Variants in SLC35D4 observed in about 807,000 individuals in gnomAD.
SLC35D4 encodes the protein UDP-N-acetylglucosamine transporter SLC35D4.
the SLC35D4 span, among the ~76,000 whole-genome samples, chr18:23,398,865 A>G: frequency 6.6e-6 from 1 of 152,252 alleles, no homozygotes; most frequent in Non-Finnish European, 1.5e-5. Context: ...TCTAATAGAT[A>G]AAAACAGTTA....
chr18:23,326,138 G>A, the SLC35D4 span, among the ~76,000 whole-genome samples: 9 of 152,212 alleles, frequency 5.9e-5, no homozygotes, highest in Non-Finnish European at 1.3e-4. Flanking sequence ...GACTGAGCAT[G>A]TGCTCAGGAC....
chr18:23,319,735 T>A, the SLC35D4 span, among the ~76,000 whole-genome samples: 1 of 152,154 alleles, frequency 6.6e-6, no homozygotes, highest in Non-Finnish European at 1.5e-5. Flanking sequence ...CACCGCGCCC[T>A]GCCTATTTCA....
the SLC35D4 span, among the ~76,000 whole-genome samples, chr18:23,305,965 G>C: frequency 6.6e-6 from 1 of 152,166 alleles, no homozygotes; most frequent in African/African-American, 2.4e-5. Flanking sequence ...CAAGATGCAC[G>C]GTTACCTTTT....
At chr18:23,284,903 T>C in the SLC35D4 span, among the ~76,000 whole-genome samples, 1 of 152,130 alleles carries the variant, frequency 6.6e-6, no homozygotes, top group African/African-American at 2.4e-5. Context: ...GCTGTGAGAG[T>C]TAAGAGGCAG....
chr18:23,336,128 T>C, the SLC35D4 span, among the ~76,000 whole-genome samples: 1 of 152,126 alleles, frequency 6.6e-6, no homozygotes, highest in Non-Finnish European at 1.5e-5. Context: ...TAGCACTCAT[T>C]TCTCTATGAA....
the SLC35D4 span, among the ~76,000 whole-genome samples, chr18:23,345,368 G>C: frequency 6.6e-6 from 1 of 151,674 alleles, no homozygotes; most frequent in Admixed American, 6.6e-5. Context: ...TGTAATCCCA[G>C]CTGCTCAGGA....
chr18:23,375,125 T>A, the SLC35D4 span, among the ~76,000 whole-genome samples: 212 of 147,148 alleles, frequency 1.4e-3, 1 homozygote, highest in African/African-American at 4.4e-3. Context: ...AAAAAAAAAA[T>A]AAAAATAAAA....
At chr18:23,312,079 GCCTGTTTTT>G in the SLC35D4 span, among the ~76,000 whole-genome samples, 1 of 152,174 alleles carries the variant, frequency 6.6e-6, no homozygotes, top group Non-Finnish European at 1.5e-5. Flanking sequence ...TATTGTCCTT[GCCTGTTTTT>G]ACCCGCTGTT....
chr18:23,278,671 T>C, the SLC35D4 span, among the ~76,000 whole-genome samples: 1 of 152,158 alleles, frequency 6.6e-6, no homozygotes, highest in African/African-American at 2.4e-5. Flanking sequence ...ATGTCTAGCA[T>C]GATCTAAGTA....
the SLC35D4 span, chr18:23,371,377 G>A: frequency 2.8e-4 from 408 of 1,456,870 alleles, 1 homozygote; most frequent in African/African-American, 5.1e-3. Flanking sequence ...TTCCAGGTAT[G>A]AGCCACCGTG....
the SLC35D4 span, among the ~76,000 whole-genome samples, chr18:23,304,117 AAT>A: frequency 6.6e-6 from 1 of 151,022 alleles, no homozygotes; most frequent in Non-Finnish European, 1.5e-5. Flanking sequence ...AAAAAAATAA[AAT>A]ACAAAAAATT....
chr18:23,253,717 G>C, the SLC35D4 span: 8 of 1,612,634 alleles, frequency 5.0e-6, no homozygotes, highest in Non-Finnish European at 6.8e-6. Flanking sequence ...CCTCTTGCCT[G>C]TCTTTCTCCA....
chr18:23,294,968 A>G, the SLC35D4 span, among the ~76,000 whole-genome samples: 14 of 152,222 alleles, frequency 9.2e-5, no homozygotes, highest in Non-Finnish European at 1.5e-4. Context: ...CAGAACCTCC[A>G]TTTGCTTAAA....
At chr18:23,324,778 G>C in the SLC35D4 span, among the ~76,000 whole-genome samples, 7 of 152,310 alleles carry the variant, frequency 4.6e-5, no homozygotes, top group Non-Finnish European at 1.0e-4. Context: ...GGAACAGCAT[G>C]AACGAGCCCA....
chr18:23,243,966 T>C, the SLC35D4 span, among the ~76,000 whole-genome samples: 1 of 152,178 alleles, frequency 6.6e-6, no homozygotes, highest in African/African-American at 2.4e-5. Flanking sequence ...TCTCAGATTT[T>C]TGACAGTCGC....
chr18:23,437,687 G>T, the SLC35D4 span: 1 of 1,324,860 alleles, frequency 7.5e-7, no homozygotes, highest in Non-Finnish European at 1.0e-6. Context: ...GAAGAATGAG[G>T]TAAAAAGCAG....
chr18:23,375,847 A>G, the SLC35D4 span, among the ~76,000 whole-genome samples: 1 of 152,216 alleles, frequency 6.6e-6, no homozygotes, highest in Admixed American at 6.5e-5. Flanking sequence ...CACTCATTAG[A>G]AAGTCAATTT....
At chr18:23,257,438 A>C in the SLC35D4 span, 1 of 1,479,154 alleles carries the variant, frequency 6.8e-7, no homozygotes, top group African/African-American at 1.4e-5. Context: ...TACTACTGGA[A>C]ATGAAAAAAA....
At chr18:23,282,475 T>A in the SLC35D4 span, among the ~76,000 whole-genome samples, 542 of 152,298 alleles carry the variant, frequency 3.6e-3, 2 homozygotes, top group African/African-American at 0.012. Context: ...ATCTCTGAGA[T>A]GTTTCCAGAA....
Sources: allele counts gnomAD v4.1 joint callset (sites outside exome capture counted in the v4.1 genomes callset), GRCh38; gene constraint gnomAD v4.1.1; transcripts MANE v1.5; gene names NCBI Gene and HGNC (gene_info 2026-07-23, HGNC 2026-07-21).